Variants in WWP1 observed in about 807,000 individuals in gnomAD.
WWP1 encodes the protein NEDD4-like E3 ubiquitin-protein ligase WWP1.
In WWP1, 49 loss-of-function variants were observed where a neutral mutation model predicts 130.6. The ratio of observed to expected loss-of-function variants is 0.38; its 90% CI spans 0.30 to 0.48. WWP1 has a LOEUF of 0.48. Among genes scored for constraint, WWP1 ranks in the 20% least tolerant of loss-of-function variants. WWP1 has a pLI of 0.99. For missense variants in WWP1, 809 were observed against 1,100.6 expected, an observed-to-expected ratio of 0.74 and a Z score of 3.75; for synonymous variants, 332 against 367.8, an observed-to-expected ratio of 0.90 and a Z score of 1.11.
chr8:86,379,729 C>A (rs893039477), intron 3 of WWP1, among the ~76,000 whole-genome samples: 1 of 152,156 alleles, frequency 6.6e-6, no homozygotes, highest in East Asian at 1.9e-4. Flanking sequence ...TACTTCTTTT[C>A]GAAGCTAACT....
intron 11 of WWP1, among the ~76,000 whole-genome samples, chr8:86,429,057 C>T (rs369752631): frequency 7.2e-5 from 11 of 152,114 alleles, no homozygotes; most frequent in Admixed American, 3.3e-4. Flanking sequence ...ATCAAGGACC[C>T]GGGTTCTTTC....
intron 17 of WWP1, among the ~76,000 whole-genome samples, chr8:86,441,823 G>GT (rs1810607419): frequency 6.6e-6 from 1 of 152,156 alleles, no homozygotes; most frequent in Non-Finnish European, 1.5e-5. Context: ...GAATCCCCTT[G>GT]TACTTACAGA....
chr8:86,367,582 TA>T (rs912953474), intron 1 of WWP1, among the ~76,000 whole-genome samples: 2 of 152,208 alleles, frequency 1.3e-5, no homozygotes, highest in African/African-American at 4.8e-5. Context: ...AGTGAACCTT[TA>T]TACAATTCTG....
At chr8:86,407,040 TAAC>T (rs1343121391) in intron 8 of WWP1, among the ~76,000 whole-genome samples, 10 of 152,330 alleles carry the variant, frequency 6.6e-5, no homozygotes, top group African/African-American at 1.9e-4. Context: ...CTATGTCTTG[TAAC>T]CCAGAAGTCA....
chr8:86,454,684 C>G (rs1015361041), intron 21 of WWP1, among the ~76,000 whole-genome samples: 1 of 151,924 alleles, frequency 6.6e-6, no homozygotes, highest in Non-Finnish European at 1.5e-5. Context: ...ATAGTGGGAG[C>G]CCTATATTGA....
intron 9 of WWP1, among the ~76,000 whole-genome samples, chr8:86,420,767 G>A (rs1420023774): frequency 2.0e-5 from 3 of 152,052 alleles, no homozygotes; most frequent in African/African-American, 7.2e-5. Context: ...TTATGTGAAG[G>A]TATATATAAT....
chr8:86,435,946 A>T (rs1810267213), intron 16 of WWP1, among the ~76,000 whole-genome samples: 1 of 151,952 alleles, frequency 6.6e-6, no homozygotes, highest in Non-Finnish European at 1.5e-5. Flanking sequence ...CGATCTACCC[A>T]CCTCGGCCTC....
In WWP1 at chr8:86,452,572, T is replaced by G; in HGVS notation, c.2287T>G (p.Trp763Gly). ...KDEYIGLMTEWRFSRGVQEQT... is the reference protein window; with the variant it reads ...KDEYIGLMTEGRFSRGVQEQT... ...CTTTATTTTCAGTTTAATGACAGAA[T>G]GGCGTTTTTCTCGAGGAGTACAAGA... The change falls in exon 21 of 25, where the codon TGG (tryptophan) becomes GGG (glycine). Residue 763 changes from tryptophan (W) to glycine (G), a missense_variant. By Grantham distance (184) the Trp-to-Gly change is radical. Coordinates refer to ENST00000517970, the MANE Select transcript of WWP1 (RefSeq NM_007013.4). 6.2e-7 allele frequency: 1 copy of G among 1,604,860 alleles called. No homozygotes were observed. Among genetic ancestry groups the G allele is most frequent in the South Asian group, 1.1e-5 (1 of 88,932 alleles).
intron 20 of WWP1, among the ~76,000 whole-genome samples, chr8:86,448,884 G>A (rs548873948): frequency 3.4e-4 from 52 of 152,206 alleles, no homozygotes; most frequent in Middle Eastern, 3.4e-3. Context: ...CGCTCAGGCC[G>A]TCGTAGTGGC....
chr8:86,366,761 G>C (rs1823997679), intron 1 of WWP1, among the ~76,000 whole-genome samples: 1 of 152,102 alleles, frequency 6.6e-6, no homozygotes. Flanking sequence ...AGGTTTCCCA[G>C]GATGCAAGTT....
chr8:86,359,222 G>A (rs1437768796), intron 1 of WWP1, among the ~76,000 whole-genome samples: 2 of 152,160 alleles, frequency 1.3e-5, no homozygotes, highest in African/African-American at 4.8e-5. Flanking sequence ...GAGAGGGAGT[G>A]TGTATAAATA....
intron 5 of WWP1, chr8:86,387,058 C>G (rs1329724685): frequency 6.6e-6 from 1 of 152,186 alleles, no homozygotes; most frequent in African/African-American, 2.4e-5. Flanking sequence ...GATTTAATCC[C>G]TTCCTAAAGA....
chr8:86,442,229 G>A (rs1810631056), intron 17 of WWP1: 1 of 153,734 alleles, frequency 6.5e-6, no homozygotes, highest in Non-Finnish European at 1.4e-5. Context: ...GCATAAAAAT[G>A]AATTAATATT....
At chr8:86,430,210 CAAAG>C (rs991223122) in intron 11 of WWP1, among the ~76,000 whole-genome samples, 1 of 152,102 alleles carries the variant, frequency 6.6e-6, no homozygotes, top group Non-Finnish European at 1.5e-5. Context: ...TCTCAAAAAA[CAAAG>C]AACTTTGTGT....
chr8:86,398,139 T>C (rs1372861135), intron 5 of WWP1, among the ~76,000 whole-genome samples: 2 of 152,202 alleles, frequency 1.3e-5, no homozygotes, highest in Non-Finnish European at 2.9e-5. Flanking sequence ...ATTTATAATA[T>C]GCACAGAAGC....
chr8:86,396,245 A>G (rs1322466210), intron 5 of WWP1, among the ~76,000 whole-genome samples: 1 of 151,914 alleles, frequency 6.6e-6, no homozygotes, highest in Non-Finnish European at 1.5e-5. Context: ...ACTACAGGCA[A>G]CTGCCACCAT....
In WWP1 at chr8:86,438,619, G is replaced by T; in HGVS notation, c.1784G>T (p.Arg595Leu). 1 of 1,607,654 alleles carries T rather than the reference G, an allele frequency of 6.2e-7. No individual in the cohort carries two copies. Among genetic ancestry groups the T allele is most frequent in the Non-Finnish European group, 8.5e-7 (1 of 1,178,370 alleles). The change falls in exon 17 of 25, where the codon CGC becomes CTC. Residue 595 changes from arginine to leucine, a missense_variant. Around this residue, in one of 3 missense-constraint regions of WWP1, gnomAD observed 450 missense variants for 674.2 expected, o/e 0.67. Coordinates refer to ENST00000517970, the MANE Select transcript of WWP1 (RefSeq NM_007013.4). ...MALKPYDLRR[R>L]LYVIFRGEEG... ...TTAAAACCCTATGACTTGAGGAGGC[G>T]CTTATATGTAATATTTAGAGGAGAA...
intron 16 of WWP1, among the ~76,000 whole-genome samples, chr8:86,437,809 C>CT (rs1229847569): frequency 1.3e-5 from 2 of 151,814 alleles, no homozygotes; most frequent in Non-Finnish European, 2.9e-5. Context: ...ATACTGTATT[C>CT]TTTTTTTTGA....
chr8:86,348,607 C>T (rs1220338611), intron 1 of WWP1, among the ~76,000 whole-genome samples: 2 of 152,186 alleles, frequency 1.3e-5, no homozygotes, highest in East Asian at 1.9e-4. Flanking sequence ...GCTGGGAGTA[C>T]AGTGTTGAGA....
Sources: allele counts gnomAD v4.1 joint callset (sites outside exome capture counted in the v4.1 genomes callset), GRCh38; gene constraint gnomAD v4.1.1; regional missense constraint gnomAD v4.1.1; transcripts MANE v1.5; gene names NCBI Gene and HGNC (gene_info 2026-07-23, HGNC 2026-07-21).